The following SYNE2 variants were observed in gnomAD, a reference collection of about 807,000 sequenced individuals.
The protein encoded by SYNE2 is spectrin repeat containing nuclear envelope protein 2, also known as nesprin-2.
Under a neutral mutation model 856.3 loss-of-function variants are expected in SYNE2, and 431 were observed. The ratio of observed to expected loss-of-function variants is 0.50; its 90% CI spans 0.47 to 0.55. SYNE2 has a LOEUF of 0.55. SYNE2 is among the 20% of genes least tolerant of loss of function. The probability of loss-of-function intolerance (pLI) is 0.00; values close to 1 mark genes in which losing one functional copy is unlikely to be tolerated. For missense variants in SYNE2, 8,129 were observed against 8,023.2 expected (o/e 1.01, Z -0.50); for synonymous variants, 2,923 against 2,872.3 (o/e 1.02, Z -0.56).
chr14:64,100,132 A>G (rs1200986934), intron 63 of SYNE2: 1 of 152,050 alleles, frequency 6.6e-6, no homozygotes, highest in African/African-American at 2.4e-5. Flanking sequence ...CATATACACC[A>G]TGGAATACTA....
chr14:63,913,486 A>G (rs2095497981), intron 2 of SYNE2, among the ~76,000 whole-genome samples: 1 of 134,958 alleles, frequency 7.4e-6, no homozygotes. Context: ...TTTCTGAGAC[A>G]GAATCTTGCT....
chr14:63,903,566 C>A (rs2095366011), intron 1 of SYNE2, among the ~76,000 whole-genome samples: 1 of 152,098 alleles, frequency 6.6e-6, no homozygotes, highest in African/African-American at 2.4e-5. Context: ...TGGGTTTGAA[C>A]AATCCTCCCA....
chr14:63,896,595 A>G (rs1337516887), intron 1 of SYNE2, among the ~76,000 whole-genome samples: 2 of 152,210 alleles, frequency 1.3e-5, no homozygotes, highest in Non-Finnish European at 2.9e-5. Flanking sequence ...GGACAAAATC[A>G]TTACCCTCAT....
rs35455974 is a variant in SYNE2, at chr14:64,224,926, A to AT, written c.20470-59dup. On this transcript the variant is annotated intron_variant, in intron 114 of 115. Transcript: ENST00000555002. Reference sequence around the variant, plus strand: ...AAGGTGGTATATAATTTAAGGGAGGATTTTTTTTTTTTTTATCATTGATAG... The same window carrying AT: ...AAGGTGGTATATAATTTAAGGGAGGATTTTTTTTTTTTTTTATCATTGATAG... 10,928 of 1,272,388 alleles carry AT rather than the reference A, an allele frequency of 8.6e-3. 5 individuals carry two copies. Among genetic ancestry groups the AT allele is most frequent in the East Asian group, 0.012 (496 of 40,336 alleles). The allele number at this position is 1,272,388 out of a possible 1,614,324, so 78.8% of individuals were successfully genotyped here.
intron 61 of SYNE2, among the ~76,000 whole-genome samples, chr14:64,095,814 C>G (rs957039296): frequency 1.3e-5 from 2 of 152,140 alleles, no homozygotes; most frequent in Admixed American, 6.5e-5. Context: ...CTCCCCTCCC[C>G]CCAACATTTT....
At chr14:63,802,427 A>T (rs1277057920) in intron 1 of SYNE2, among the ~76,000 whole-genome samples, 1 of 152,012 alleles carries the variant, frequency 6.6e-6, no homozygotes, top group Admixed American at 6.6e-5. Context: ...TTTTGATTTT[A>T]CAGGCTCACA....
intron 7 of SYNE2, among the ~76,000 whole-genome samples, chr14:63,952,091 T>TATTTTCTC (rs750508945): frequency 6.6e-6 from 1 of 152,250 alleles, no homozygotes; most frequent in Non-Finnish European, 1.5e-5. Flanking sequence ...TAATATGTTG[T>TATTTTCTC]ATTTTCTCAT....
chr14:64,134,165 G>C lies in SYNE2; in HGVS notation c.14611G>C (p.Glu4871Gln). The C allele has an allele frequency of 6.2e-7, 1 of 1,614,138 alleles. No individual in the cohort carries two copies. The highest frequency in any genetic ancestry group is 2.2e-5 in the East Asian group (1 of 44,872). The part of the protein sequence containing the change: ...LPSVSLVEET[E>Q]ERLVERISFY... ...CTCTGTGAGTTTGGTGGAAGAAACAGAGGAAAGATTAGTGGAAAGGATTTC... is the reference window on the plus strand; with the variant it reads ...CTCTGTGAGTTTGGTGGAAGAAACACAGGAAAGATTAGTGGAAAGGATTTC... The change falls in exon 78 of 116, where the codon GAG becomes CAG. Residue 4871 changes from glutamate to glutamine, a missense_variant. By Grantham distance (29) the Glu-to-Gln change is conservative. Coordinates refer to ENST00000555002, the MANE Select transcript of SYNE2 (RefSeq NM_182914.3).
chr14:64,106,976 C>A (rs1042883577), intron 64 of SYNE2, among the ~76,000 whole-genome samples: 4 of 152,108 alleles, frequency 2.6e-5, no homozygotes, highest in African/African-American at 9.7e-5. Context: ...AATAAATTCA[C>A]CTTTTCCCCA....
intron 70 of SYNE2, among the ~76,000 whole-genome samples, chr14:64,123,900 T>A (rs2097916804): frequency 6.6e-6 from 1 of 151,916 alleles, no homozygotes; most frequent in Non-Finnish European, 1.5e-5. Context: ...CCTTTTTTTT[T>A]TTTTTTTAAG....
chr14:63,813,630 TA>T (rs1002096439), intron 1 of SYNE2, among the ~76,000 whole-genome samples: 1 of 151,544 alleles, frequency 6.6e-6, no homozygotes, highest in African/African-American at 2.4e-5. Flanking sequence ...CCATCTCTAC[TA>T]AAAAAAATTA....
intron 1 of SYNE2, among the ~76,000 whole-genome samples, chr14:63,809,189 A>T (rs552680785): frequency 3.3e-5 from 5 of 152,138 alleles, no homozygotes; most frequent in South Asian, 2.1e-4. Flanking sequence ...AGGAATTAAG[A>T]TGCACCTTTA....
intron 97 of SYNE2, 93 bp downstream of exon 97, chr14:64,186,672 A>G: frequency 1.9e-6 from 3 of 1,564,866 alleles, no homozygotes; most frequent in Non-Finnish European, 2.6e-6. Context: ...AATTTCATTG[A>G]ACCGGAGGCC....
chr14:64,213,600 G>A (rs979054345), intron 105 of SYNE2, among the ~76,000 whole-genome samples: 8 of 152,050 alleles, frequency 5.3e-5, no homozygotes, highest in African/African-American at 1.9e-4. Context: ...TTCTTTTTTT[G>A]TGTCTCCAAC....
chr14:64,085,216 G>A (rs894584847), intron 57 of SYNE2, among the ~76,000 whole-genome samples: 1 of 152,150 alleles, frequency 6.6e-6, no homozygotes, highest in Non-Finnish European at 1.5e-5. Flanking sequence ...GGGACTACAG[G>A]CGCACACAAC....
intron 1 of SYNE2, among the ~76,000 whole-genome samples, chr14:63,875,211 C>A (rs921959396): frequency 2.6e-5 from 4 of 152,106 alleles, no homozygotes; most frequent in African/African-American, 9.7e-5. Context: ...CTTTGCCAAA[C>A]TTTCAAGTCT....
chr14:63,977,546 G>T (rs1595996505), intron 12 of SYNE2, among the ~76,000 whole-genome samples: 1 of 152,010 alleles, frequency 6.6e-6, no homozygotes, highest in African/African-American at 2.4e-5. Flanking sequence ...AGTTAAAGGG[G>T]GTAGTTTCAT....
chr14:64,182,231 T>A (rs982994522), intron 96 of SYNE2, among the ~76,000 whole-genome samples: 16 of 152,140 alleles, frequency 1.1e-4, no homozygotes, highest in Non-Finnish European at 1.8e-4. Context: ...AAATTTTACA[T>A]CCCATGTTAC....
At chr14:63,947,843 A>G (rs934426843) in intron 6 of SYNE2, among the ~76,000 whole-genome samples, 1 of 152,168 alleles carries the variant, frequency 6.6e-6, no homozygotes, top group Non-Finnish European at 1.5e-5. Flanking sequence ...GTCTAAAAAA[A>G]AAAGAAAGAA....
Sources: gnomAD v4.1 joint callset for allele counts (sites outside exome capture counted in the v4.1 genomes callset) on GRCh38, gnomAD v4.1.1 for gene constraint, MANE v1.5 for transcripts, NCBI Gene and HGNC (gene_info 2026-07-23, HGNC 2026-07-21) for gene names.